ARHGEF26: variants seen among roughly 807,000 people sequenced by gnomAD.
ARHGEF26 encodes Rho guanine nucleotide exchange factor 26, also known as Rho guanine nucleotide exchange factor (GEF) 26.
Under a neutral mutation model 89.4 loss-of-function variants are expected in ARHGEF26, and 59 were observed. The observed-to-expected ratio is 0.66, with a 90% confidence interval of 0.54 to 0.82. The LOEUF is 0.82. Ranked by LOEUF, ARHGEF26 falls within the 40% of genes least tolerant of loss-of-function variation. The pLI, the probability that ARHGEF26 is intolerant of heterozygous loss-of-function variation, is 0.00. For synonymous variants in ARHGEF26, 500 were observed against 428.4 expected (o/e 1.17, Z -2.06); for missense variants, 1,234 against 1,085.6 (o/e 1.14, Z -1.92).
rs548750439 is a variant in ARHGEF26, at chr3:154,180,914, G to C, written c.1488-6771G>C. On this transcript the variant is annotated intron_variant, in intron 6 of 14. Coordinates refer to ENST00000465093, the MANE Select transcript of ARHGEF26 (RefSeq NM_015595.4). ...CATTTCCTATCACTGTTAGTCTCTG[G>C]TGAAGGATTCATCGATGAGCTTCAT... Among the ~76,000 whole-genome samples, 16 of 152,168 alleles carry C rather than the reference G, an allele frequency of 1.1e-4. No homozygotes were observed. The East Asian group carries it at 2.3e-3, about 22-fold the overall frequency.
intron 6 of ARHGEF26, among the ~76,000 whole-genome samples, chr3:154,182,086 T>G (rs1157229358): frequency 6.7e-6 from 1 of 150,290 alleles, no homozygotes; most frequent in South Asian, 2.1e-4. Flanking sequence ...ACACACACAC[T>G]ATATATATAT....
intron 12 of ARHGEF26, among the ~76,000 whole-genome samples, chr3:154,249,125 A>G (rs79439465): frequency 6.6e-6 from 1 of 152,230 alleles, no homozygotes; most frequent in Non-Finnish European, 1.5e-5. Context: ...AGAGCAACTA[A>G]GGGCTATTTT....
chr3:154,159,388 T>C (rs1341079506), intron 6 of ARHGEF26, among the ~76,000 whole-genome samples: 1 of 152,132 alleles, frequency 6.6e-6, no homozygotes, highest in Non-Finnish European at 1.5e-5. Context: ...AGTAAAAATA[T>C]CCATCAATGT....
chr3:154,178,712 T>C (rs1712986097), intron 6 of ARHGEF26, among the ~76,000 whole-genome samples: 1 of 152,222 alleles, frequency 6.6e-6, no homozygotes, highest in Non-Finnish European at 1.5e-5. Context: ...TTTTGTGCTT[T>C]CGATTTTTAT....
chr3:154,229,949 CTTA>C (rs1321912628), intron 11 of ARHGEF26, among the ~76,000 whole-genome samples: 4 of 152,134 alleles, frequency 2.6e-5, no homozygotes, highest in African/African-American at 4.8e-5. Flanking sequence ...CTACTGATAA[CTTA>C]TTATAATAAA....
chr3:154,122,623 T>A lies in ARHGEF26; in HGVS notation c.631T>A (p.Ser211Thr). 2 of 1,613,758 alleles carry A rather than the reference T, an allele frequency of 1.2e-6. No homozygotes were observed. Among genetic ancestry groups the A allele is most frequent in the South Asian group, 2.2e-5 (2 of 91,088 alleles). Residue 211 changes from serine (S) to threonine (T), a missense_variant, in exon 2 of 15, where the codon TCG (serine) becomes ACG (threonine). By Grantham distance (58) the Ser-to-Thr change is moderately conservative (BLOSUM62 1). Transcript: ENST00000465093. Reference sequence around the variant, plus strand: ...CTTTCCTGGGCCCCAGAAAAGTTCTTCGGAACAAAAACTCCCCCTCCAAAG... The same window carrying A: ...CTTTCCTGGGCCCCAGAAAAGTTCTACGGAACAAAAACTCCCCCTCCAAAG... ...GLFPGPQKSS[S>T]EQKLPLQRLP...
intron 9 of ARHGEF26, among the ~76,000 whole-genome samples, chr3:154,206,473 G>A (rs1343243434): frequency 6.6e-6 from 1 of 152,030 alleles, no homozygotes; most frequent in East Asian, 1.9e-4. Flanking sequence ...CCAAGAGTGG[G>A]CGATCCAAGA....
intron 6 of ARHGEF26, among the ~76,000 whole-genome samples, chr3:154,183,919 A>G (rs953015640): frequency 8.6e-5 from 13 of 151,784 alleles, no homozygotes; most frequent in African/African-American, 3.1e-4. Context: ...TTGCCTCAAG[A>G]TATTTATATC....
intron 9 of ARHGEF26, among the ~76,000 whole-genome samples, chr3:154,212,153 A>G (rs1715409585): frequency 6.6e-6 from 1 of 152,136 alleles, no homozygotes; most frequent in Non-Finnish European, 1.5e-5. Flanking sequence ...AGCCTGGGCA[A>G]CATAGTGAGA....
At chr3:154,189,934 A>C (rs1713843885) in intron 7 of ARHGEF26, among the ~76,000 whole-genome samples, 2 of 152,006 alleles carry the variant, frequency 1.3e-5, no homozygotes, top group South Asian at 4.1e-4. Context: ...GTTTCTGTAT[A>C]ATTTCTTTTC....
At chr3:154,195,507 A>G (rs1449253445) in intron 9 of ARHGEF26, among the ~76,000 whole-genome samples, 1 of 152,180 alleles carries the variant, frequency 6.6e-6, no homozygotes, top group Non-Finnish European at 1.5e-5. Context: ...CATGATGGTA[A>G]GGTGGTGAGA....
chr3:154,244,912 T>TTGC (rs34933339), intron 12 of ARHGEF26, among the ~76,000 whole-genome samples: 23,434 of 152,050 alleles, frequency 0.15, 2,225 homozygotes, highest in East Asian at 0.38. Context: ...CACCCCCACT[T>TTGC]TGCTGCTCAG....
At chr3:154,225,775 T>C (rs890459177) in intron 10 of ARHGEF26, 81 bp from the exon 11 acceptor site, 15 of 1,426,808 alleles carry the variant, frequency 1.1e-5, no homozygotes, top group African/African-American at 1.4e-5. Flanking sequence ...TTTGTTTGAA[T>C]GTACGTTTTA....
intron 4 of ARHGEF26, among the ~76,000 whole-genome samples, chr3:154,144,957 G>A (rs1236316205): frequency 1.3e-5 from 2 of 152,034 alleles, no homozygotes; most frequent in Non-Finnish European, 2.9e-5. Context: ...CTTAAAAAAA[G>A]CGTTCTCTCT....
intron 12 of ARHGEF26, among the ~76,000 whole-genome samples, chr3:154,247,803 A>G (rs140893091): frequency 2.2e-4 from 34 of 152,320 alleles, no homozygotes; most frequent in African/African-American, 8.2e-4. Flanking sequence ...AGTCATGTAT[A>G]CTGTGTTATA....
intron 9 of ARHGEF26, among the ~76,000 whole-genome samples, chr3:154,213,794 A>G (rs1384488046): frequency 1.3e-5 from 2 of 152,196 alleles, no homozygotes; most frequent in Admixed American, 6.5e-5. Context: ...GAAGATAACT[A>G]TGAATAAATT....
At position 154,172,265 on chromosome 3, in the gene ARHGEF26, G is replaced by A. The variant is rs575419563; in HGVS notation, c.1488-15420G>A. Among the ~76,000 whole-genome samples, 7 of 152,238 alleles carry A rather than the reference G, an allele frequency of 4.6e-5. 1 individual carries two copies. In the South Asian group the frequency reaches 1.2e-3, roughly 27 times the overall value. ...CAAAGAAGTGAAAAGTGAAGGGGAG[G>A]TAGAGCACTTCAGTAAATGCAGTAG... On this transcript the variant is annotated intron_variant, in intron 6 of 14. Transcript: ENST00000465093.
intron 4 of ARHGEF26, among the ~76,000 whole-genome samples, chr3:154,132,280 A>C (rs1718726411): frequency 6.6e-6 from 1 of 152,192 alleles, no homozygotes; most frequent in African/African-American, 2.4e-5. Context: ...GATTGAACAA[A>C]TGTTAATATT....
At chr3:154,144,395 CTGGT>C (rs1408562828) in intron 4 of ARHGEF26, among the ~76,000 whole-genome samples, 1 of 152,152 alleles carries the variant, frequency 6.6e-6, no homozygotes, top group African/African-American at 2.4e-5. Flanking sequence ...GGAACAGTAC[CTGGT>C]TCATGGTAAA....
Sources: gnomAD v4.1 joint callset for allele counts (sites outside exome capture counted in the v4.1 genomes callset) on GRCh38, gnomAD v4.1.1 for gene constraint, MANE v1.5 for transcripts, NCBI Gene and HGNC (gene_info 2026-07-23, HGNC 2026-07-21) for gene names.